Variants in ITGB3BP observed in about 807,000 individuals in gnomAD.
ITGB3BP encodes centromere protein R.
ITGB3BP carries 27 observed loss-of-function variants against 29.1 expected under a neutral mutation model. The observed-to-expected ratio is 0.93, with a 90% CI of 0.68 to 1.28. ITGB3BP has a LOEUF of 1.28. Among genes scored for constraint, ITGB3BP ranks in the 50% most tolerant of loss-of-function variants. The pLI is 0.00. For synonymous variants in ITGB3BP, 61 were observed against 61.4 expected, an observed-to-expected ratio of 0.99 and a Z score of 0.03; for missense variants, 192 against 200.2, an observed-to-expected ratio of 0.96 and a Z score of 0.25.
Position 63,514,944 on chromosome 1 carries a change from CAAAAAAAAAAAA to C in ITGB3BP, c.6-6386_6-6375del, listed in dbSNP as rs55738892. 3.4e-4 allele frequency among the ~76,000 whole-genome samples: 40 copies of C among 117,076 alleles called. 1 individual carries two copies. In the South Asian group the frequency reaches 0.011, roughly 31 times the overall value. 76.8% of individuals were successfully genotyped at this position (117,076 alleles called of 152,430 possible). ...CTGGTGACAGAGCGAGACTCTGTCT[CAAAAAAAAAAAA>C]AAAAAAAAGAAAAACAGAAAATTTA... is the stretch of plus-strand genomic sequence containing the variant. On this transcript the variant is annotated intron_variant, in intron 1 of 8. Transcript: ENST00000271002.
chr1:63,523,121 A>C lies in ITGB3BP; in HGVS notation c.5+8T>G. On this transcript the variant is annotated splice_region_variant and intron_variant, in intron 1 of 8. Transcript: ENST00000271002. ...CAAAACAGCAATACCTGGGGAGGAG[A>C]TACCTACGGCATTCTGAGATTCGGG... is the stretch of plus-strand genomic sequence containing the variant. The C allele has an allele frequency of 6.2e-7, 1 of 1,614,170 alleles. No individual in the cohort carries two copies. The highest frequency in any genetic ancestry group is 8.5e-7 in the Non-Finnish European group (1 of 1,180,010).
At chr1:63,522,849 T>C in intron 1 of ITGB3BP, 1 of 591,620 alleles carries the variant, frequency 1.7e-6, no homozygotes. Flanking sequence ...CAACCTTATT[T>C]ATGTTATTTC....
chr1:63,487,948 CT>C (rs1321970256), intron 3 of ITGB3BP, among the ~76,000 whole-genome samples: 1 of 152,076 alleles, frequency 6.6e-6, no homozygotes, highest in African/African-American at 2.4e-5. Flanking sequence ...TGGGGGACCC[CT>C]GATGTGTATA....
intron 2 of ITGB3BP, among the ~76,000 whole-genome samples, chr1:63,528,611 C>A (rs952909968): frequency 6.6e-6 from 1 of 151,928 alleles, no homozygotes; most frequent in Non-Finnish European, 1.5e-5. Flanking sequence ...CTTGAGGCAA[C>A]AGATACCCTA....
chr1:63,506,360 AT>A (rs1219937251), intron 2 of ITGB3BP, among the ~76,000 whole-genome samples: 1 of 152,144 alleles, frequency 6.6e-6, no homozygotes, highest in African/African-American at 2.4e-5. Flanking sequence ...GCACTTCTTA[AT>A]TGGCAGTGGC....
In ITGB3BP at chr1:63,440,802, C is replaced by T. The variant is rs148429255; in HGVS notation, c.*303G>A. The stretch of plus-strand genomic sequence containing the variant: ...TTTATACATGCTTTATTAAGTCTAC[C>T]CACAAATGCTAAAAGTCCACAGAAG... On this transcript the variant is annotated 3_prime_UTR_variant, in exon 9 of 9. Coordinates refer to ENST00000271002, the MANE Select transcript of ITGB3BP (RefSeq NM_014288.5). The T allele has an allele frequency of 6.6e-6, 1 of 152,592 alleles. No individual in the cohort carries two copies. The highest frequency in any genetic ancestry group is 1.5e-5 in the Non-Finnish European group (1 of 68,032). 9.5% of individuals were successfully genotyped at this position (152,592 alleles called of 1,614,324 possible). A position where few individuals can be genotyped will look rare whatever the true frequency, so the allele number is the denominator to read the frequency against.
At chr1:63,485,492 C>T (rs562069454) in intron 3 of ITGB3BP, among the ~76,000 whole-genome samples, 4 of 151,556 alleles carry the variant, frequency 2.6e-5, no homozygotes, top group African/African-American at 9.7e-5. Flanking sequence ...TTTTTTCACC[C>T]GCCCTCCAAT....
intron 4 of ITGB3BP, among the ~76,000 whole-genome samples, chr1:63,475,759 A>T (rs1017191836): frequency 3.9e-5 from 6 of 152,090 alleles, no homozygotes; most frequent in Admixed American, 6.5e-5. Flanking sequence ...GCACTTTAGG[A>T]GGCTGAGGCG....
chr1:63,510,060 C>T (rs769768163), intron 1 of ITGB3BP: 10 of 596,250 alleles, frequency 1.7e-5, no homozygotes, highest in Admixed American at 7.5e-5. Context: ...CGTGGTGGTG[C>T]GTGCCTGTAA....
intron 1 of ITGB3BP, among the ~76,000 whole-genome samples, chr1:63,514,861 G>A (rs889153857): frequency 3.4e-5 from 5 of 148,180 alleles, no homozygotes; most frequent in Admixed American, 2.1e-4. Context: ...CAGGAGAATC[G>A]CTTGAACCCA....
At chr1:63,473,976 A>G (rs1241292026) in intron 4 of ITGB3BP, among the ~76,000 whole-genome samples, 3 of 2,814 alleles carry the variant, frequency 1.1e-3, no homozygotes, top group African/African-American at 1.2e-3. Flanking sequence ...AGGTGGGGGG[A>G]TCAGCCCCCC....
intron 1 of ITGB3BP, among the ~76,000 whole-genome samples, chr1:63,514,608 T>G (rs935553543): frequency 6.6e-6 from 1 of 152,186 alleles, no homozygotes; most frequent in Admixed American, 6.5e-5. Flanking sequence ...ATCCTTTGTC[T>G]GATATATATC....
chr1:63,527,817 T>C (rs1348761004), upstream of ITGB3BP: 1 of 152,204 alleles, frequency 6.6e-6, no homozygotes, highest in African/African-American at 2.4e-5. Context: ...AATATTTTCT[T>C]TGTTACTAAA....
intron 4 of ITGB3BP, among the ~76,000 whole-genome samples, chr1:63,455,282 A>G (rs979044859): frequency 8.5e-5 from 13 of 152,200 alleles, no homozygotes; most frequent in African/African-American, 1.2e-4. Context: ...TCTTTTTAAA[A>G]TAAAAAAAGT....
intron 2 of ITGB3BP, among the ~76,000 whole-genome samples, chr1:63,498,099 C>A (rs1258334810): frequency 6.6e-6 from 1 of 152,050 alleles, no homozygotes; most frequent in East Asian, 1.9e-4. Context: ...GAAAATTCAA[C>A]TATAATAGTT....
At chr1:63,453,179 G>T (rs548936959) in intron 7 of ITGB3BP, among the ~76,000 whole-genome samples, 2 of 152,248 alleles carry the variant, frequency 1.3e-5, no homozygotes, top group South Asian at 4.1e-4. Flanking sequence ...TTGCTGTAAA[G>T]ATTTGCTGAT....
intron 7 of ITGB3BP, 120 bp downstream of exon 7, chr1:63,453,798 C>G: frequency 3.1e-6 from 2 of 653,492 alleles, no homozygotes; most frequent in Non-Finnish European, 5.5e-6. Flanking sequence ...GAACATACTT[C>G]AGAACAGGGA....
chr1:63,482,254 CAG>C (rs1373911541), intron 3 of ITGB3BP, among the ~76,000 whole-genome samples: 1 of 102,156 alleles, frequency 9.8e-6, no homozygotes, highest in Non-Finnish European at 1.8e-5. Flanking sequence ...GCCTGGGTGA[CAG>C]AGTGACTCCA....
Position 63,441,079 on chromosome 1 carries a change from T to C in ITGB3BP, c.*26A>G, listed in dbSNP as rs1644723213. ...AGGCAGATGCAGAAGTTGGTGCTCATGGTGAGTGCATTTCTTCTTAATGCC... is the reference window on the plus strand; with the variant it reads ...AGGCAGATGCAGAAGTTGGTGCTCACGGTGAGTGCATTTCTTCTTAATGCC... On this transcript the variant is annotated 3_prime_UTR_variant, in exon 9 of 9. Coordinates refer to ENST00000271002, the MANE Select transcript of ITGB3BP (RefSeq NM_014288.5). 1 of 152,614 alleles carries C rather than the reference T, an allele frequency of 6.6e-6. No homozygotes were observed. The highest frequency in any genetic ancestry group is 1.5e-5 in the Non-Finnish European group (1 of 68,050). 9.5% of individuals were successfully genotyped at this position (152,614 alleles called of 1,614,324 possible).
Sources: allele counts gnomAD v4.1 joint callset (sites outside exome capture counted in the v4.1 genomes callset), GRCh38; gene constraint gnomAD v4.1.1; transcripts MANE v1.5; gene names NCBI Gene and HGNC (gene_info 2026-07-23, HGNC 2026-07-21).